Variants in TENM2 observed in about 807,000 individuals in gnomAD.
TENM2 encodes teneurin transmembrane protein 2.
TENM2 carries 52 observed loss-of-function variants against 245.2 expected under a neutral mutation model. The observed-to-expected ratio is 0.21, with a 90% CI of 0.17 to 0.27. The LOEUF is 0.27. Among genes scored for constraint, TENM2 ranks in the 10% least tolerant of loss-of-function variants. The pLI is 1.00. For synonymous variants in TENM2, 1,363 were observed against 1,438.9 expected, an observed-to-expected ratio of 0.95 and a Z score of 1.19; for missense variants, 3,046 against 3,666.8, an observed-to-expected ratio of 0.83 and a Z score of 4.37.
At chr5:167,366,007 GAAAT>G (rs1266882574) in intron 1 of TENM2, among the ~76,000 whole-genome samples, 2 of 150,780 alleles carry the variant, frequency 1.3e-5, no homozygotes, top group Admixed American at 6.6e-5. Context: ...CTTAAAGAAA[GAAAT>G]AATTTGTATA....
chr5:167,645,285 T>C lies in TENM2; in HGVS notation c.503-230701T>C, dbSNP rs141163068. On this transcript the variant is annotated intron_variant, in intron 2 of 28. Transcript: ENST00000518659. Reference sequence around the variant, plus strand: ...AAATTTTCATTTTCCCAATCTCTTATAATGACTCATGACCGGGTGAAGGAG... The same window carrying C: ...AAATTTTCATTTTCCCAATCTCTTACAATGACTCATGACCGGGTGAAGGAG... Among the ~76,000 whole-genome samples the C allele has an allele frequency of 3.9e-5, 6 of 152,264 alleles. No individual in the cohort carries two copies. In the East Asian group the frequency reaches 1.2e-3, roughly 29 times the overall value.
intron 2 of TENM2, among the ~76,000 whole-genome samples, chr5:167,520,825 G>C (rs1215187952): frequency 6.6e-6 from 1 of 151,190 alleles, no homozygotes; most frequent in Non-Finnish European, 1.5e-5. Flanking sequence ...CTCTCAATTG[G>C]GCCTTTCACT....
At chr5:167,814,050 G>A (rs905509440) in intron 2 of TENM2, among the ~76,000 whole-genome samples, 11 of 152,094 alleles carry the variant, frequency 7.2e-5, no homozygotes, top group Admixed American at 2.0e-4. Flanking sequence ...CCCCATACCT[G>A]TGATGCTCAA....
At chr5:167,030,707 A>G in the TENM2 span, among the ~76,000 whole-genome samples, 8 of 152,146 alleles carry the variant, frequency 5.3e-5, no homozygotes, top group South Asian at 1.7e-3. Context: ...GAGCAAGGAA[A>G]TGAGAAATGC....
intron 14 of TENM2, among the ~76,000 whole-genome samples, chr5:168,193,401 G>C (rs889910558): frequency 6.6e-6 from 1 of 152,134 alleles, no homozygotes; most frequent in Admixed American, 6.5e-5. Flanking sequence ...ATAATTTATA[G>C]AGCAGATCTC....
At chr5:167,102,759 T>C in the TENM2 span, among the ~76,000 whole-genome samples, 1 of 152,162 alleles carries the variant, frequency 6.6e-6, no homozygotes, top group African/African-American at 2.4e-5. Context: ...CCCAGGTTCA[T>C]GCGATTTTCC....
At chr5:168,045,892 G>C (rs927904861) in intron 5 of TENM2, among the ~76,000 whole-genome samples, 4 of 152,178 alleles carry the variant, frequency 2.6e-5, no homozygotes, top group Non-Finnish European at 1.5e-5. Context: ...TCAAGTGAGT[G>C]ACCTACATAT....
chr5:166,979,194 C>CCAGCAGCAGCAGCAGCAGCAG, the TENM2 span, among the ~76,000 whole-genome samples: 797 of 142,120 alleles, frequency 5.6e-3, 10 homozygotes, highest in South Asian at 0.02. Context: ...AGCACCACCA[C>CCAGCAGCAGCAGCAGCAGCAG]CAGCAGCAGC....
chr5:166,993,341 C>T, the TENM2 span, among the ~76,000 whole-genome samples: 1 of 152,108 alleles, frequency 6.6e-6, no homozygotes, highest in Admixed American at 6.5e-5. Flanking sequence ...GATATTTGCA[C>T]AGTAGCAGAT....
intron 2 of TENM2, among the ~76,000 whole-genome samples, chr5:167,700,099 A>C (rs148829198): frequency 6.6e-6 from 1 of 152,284 alleles, no homozygotes; most frequent in East Asian, 1.9e-4. Context: ...AACAGAAAAA[A>C]ATTTGCAAAG....
intron 2 of TENM2, among the ~76,000 whole-genome samples, chr5:167,712,742 C>T (rs1758992924): frequency 6.6e-6 from 1 of 152,096 alleles, no homozygotes. Flanking sequence ...TGGAATAAAA[C>T]ATGAATCTAG....
intron 2 of TENM2, among the ~76,000 whole-genome samples, chr5:167,466,206 A>G (rs921770729): frequency 6.6e-6 from 1 of 152,154 alleles, no homozygotes; most frequent in Non-Finnish European, 1.5e-5. Context: ...ATAGTTTGCT[A>G]TTTCAATGTC....
intron 2 of TENM2, among the ~76,000 whole-genome samples, chr5:167,378,444 C>T (rs1055957752): frequency 6.7e-6 from 1 of 149,722 alleles, no homozygotes; most frequent in Non-Finnish European, 1.5e-5. Flanking sequence ...GATTTAGCCT[C>T]TGCATTAACA....
rs139554296 is a variant in TENM2 at position 167,462,685 on chromosome 5, C to G, written c.502+87212C>G. ...GACATTCCTTCTCTACTGTCCTTCTCTGCTGCACCACTCTGCTGCTCTTCT... is the reference window on the plus strand; with the variant it reads ...GACATTCCTTCTCTACTGTCCTTCTGTGCTGCACCACTCTGCTGCTCTTCT... On this transcript the variant is annotated intron_variant, in intron 2 of 28. Transcript: ENST00000518659. Among the ~76,000 whole-genome samples the G allele has an allele frequency of 9.0e-3, 1,366 of 152,046 alleles. 9 individuals carry two copies. Among genetic ancestry groups the G allele is most frequent in the Non-Finnish European group, 0.015 (995 of 68,006 alleles).
At chr5:167,772,560 C>T (rs1186430712) in intron 2 of TENM2, among the ~76,000 whole-genome samples, 6 of 151,864 alleles carry the variant, frequency 4.0e-5, no homozygotes, top group African/African-American at 1.2e-4. Flanking sequence ...TGAAGTCTGA[C>T]GTTTTCAATT....
intron 3 of TENM2, among the ~76,000 whole-genome samples, chr5:167,917,233 GGA>G (rs1777019919): frequency 6.6e-6 from 1 of 152,140 alleles, no homozygotes; most frequent in South Asian, 2.1e-4. Context: ...AGATGCCTGT[GGA>G]TTCCAGAGTG....
intron 2 of TENM2, among the ~76,000 whole-genome samples, chr5:167,737,416 T>C (rs1231982250): frequency 6.6e-6 from 1 of 152,224 alleles, no homozygotes; most frequent in Non-Finnish European, 1.5e-5. Context: ...ATCTGTCTTC[T>C]GGCAGAGGCT....
intron 1 of TENM2, among the ~76,000 whole-genome samples, chr5:167,356,217 A>AAAAAAAGAAAAAGAAAAATT (rs1759321624): frequency 7.7e-6 from 1 of 129,104 alleles, no homozygotes; most frequent in African/African-American, 3.2e-5. Flanking sequence ...AAAAAAAAAA[A>AAAAAAAGAAAAAGAAAAATT]AAAATTAAAA....
intron 2 of TENM2, among the ~76,000 whole-genome samples, chr5:167,494,438 A>T (rs1768654168): frequency 6.6e-6 from 1 of 152,126 alleles, no homozygotes; most frequent in Non-Finnish European, 1.5e-5. Context: ...AATGTTTAAA[A>T]AGTCAACCCA....
Sources: gnomAD v4.1 joint callset for allele counts (sites outside exome capture counted in the v4.1 genomes callset) on GRCh38, gnomAD v4.1.1 for gene constraint, MANE v1.5 for transcripts, NCBI Gene and HGNC (gene_info 2026-07-23, HGNC 2026-07-21) for gene names.